Variants in ACSBG1 observed in about 807,000 individuals in gnomAD.
The protein encoded by ACSBG1 is acyl-CoA synthetase bubblegum family member 1, also known as long-chain-fatty-acid--CoA ligase ACSBG1.
ACSBG1 carries 39 observed loss-of-function variants against 80.2 expected under a neutral mutation model. That is an observed-to-expected ratio of 0.49 (90% CI 0.38 to 0.64). The LOEUF (loss-of-function observed/expected upper bound fraction) is 0.64, where lower values mean the gene tolerates loss of function less well. Ranked by LOEUF, ACSBG1 falls within the 30% of genes least tolerant of loss-of-function variation. The pLI, the probability that ACSBG1 is intolerant of heterozygous loss-of-function variation, is 0.00. For missense variants in ACSBG1, 828 were observed against 966.4 expected (o/e 0.86, Z 1.90); for synonymous variants, 392 against 379.5 (o/e 1.03, Z -0.38).
chr15:78,182,873 A>G (rs896584852), intron 5 of ACSBG1, 88 bp from the exon 6 acceptor site: 36 of 1,438,572 alleles, frequency 2.5e-5, no homozygotes, highest in Non-Finnish European at 3.0e-5. Flanking sequence ...GAGTCGGCTT[A>G]GTAAAGGTCT....
At chr15:78,175,647 G>T (rs1229363413) in intron 11 of ACSBG1, among the ~76,000 whole-genome samples, 1 of 152,370 alleles carries the variant, frequency 6.6e-6, no homozygotes. Context: ...GCTGGCTCAG[G>T]AGCTGGATTG....
intron 5 of ACSBG1, among the ~76,000 whole-genome samples, chr15:78,184,537 G>C (rs1364325353): frequency 6.6e-6 from 1 of 152,058 alleles, no homozygotes; most frequent in East Asian, 1.9e-4. Flanking sequence ...GATATATACT[G>C]TAGGATTATG....
At position 78,179,568 on chromosome 15, in the gene ACSBG1, T is replaced by C; in HGVS notation, c.1466A>G (p.Tyr489Cys). The C allele has an allele frequency of 6.2e-7, 1 of 1,613,462 alleles. No homozygotes were observed. Among genetic ancestry groups the C allele is most frequent in the Non-Finnish European group, 8.5e-7 (1 of 1,179,480 alleles). The part of the protein sequence containing the change: ...TSGPHFMSSP[Y>C]NYRLYSSGKL... ...GCCTCACCTGTACAGCCGGTAGTTG[T>C]AGGGACTGGACATGAAGTGGGGGCC... The change falls in exon 10 of 14, where the codon TAC (tyrosine) becomes TGC (cysteine). Residue 489 changes from tyrosine to cysteine, a missense_variant. Physicochemically the swap from Tyr to Cys is radical, Grantham distance 194. Coordinates refer to ENST00000258873, the MANE Select transcript of ACSBG1 (RefSeq NM_015162.5).
At position 78,168,247 on chromosome 15, in the gene ACSBG1, C is replaced by A. The variant is rs1383190453; in HGVS notation, c.*3197G>T. ...GACCAGCCTGGGCCACATAGTGAGA[C>A]CCCGTCTCTTAAAAAAAAAAAAAAG... On this transcript the variant is annotated 3_prime_UTR_variant, in exon 14 of 14. Transcript: ENST00000258873. 1 of 137,430 alleles carries A rather than the reference C, an allele frequency of 7.3e-6. No individual in the cohort carries two copies. Among genetic ancestry groups the A allele is most frequent in the East Asian group, 1.9e-4 (1 of 5,166 alleles). The allele number at this position is 137,430 out of a possible 1,614,324, so 8.5% of individuals were successfully genotyped here.
chr15:78,198,969 C>G (rs1262528228), intron 2 of ACSBG1, among the ~76,000 whole-genome samples: 1 of 152,136 alleles, frequency 6.6e-6, no homozygotes, highest in African/African-American at 2.4e-5. Flanking sequence ...CAAATGAAAC[C>G]AGAGGCAGTC....
rs559887419 is a variant in ACSBG1, at chr15:78,197,877, C to T, written c.233-3151G>A. ...CCTCCCCTGGCACAGATTCCTCCTA[C>T]GCCTGGACTACAGAAAAGGTGACTT... On this transcript the variant is annotated intron_variant, in intron 2 of 13. Transcript: ENST00000258873. Among the ~76,000 whole-genome samples the T allele has an allele frequency of 1.6e-4, 24 of 152,216 alleles. No individual in the cohort carries two copies. The South Asian group carries it at 3.9e-3, about 25-fold the overall frequency.
intron 4 of ACSBG1, 99 bp downstream of exon 4, chr15:78,193,833 G>T: frequency 6.8e-7 from 1 of 1,478,816 alleles, no homozygotes; most frequent in East Asian, 2.5e-5. Context: ...CAGGATGGTG[G>T]GGAGTGGGTG....
In ACSBG1 at chr15:78,182,612, C is replaced by T. The variant is rs1264906643; in HGVS notation, c.748G>A (p.Glu250Lys). 1.2e-6 allele frequency: 2 copies of T among 1,613,968 alleles called. No homozygotes were observed. The highest frequency in any genetic ancestry group is 1.7e-6 in the Non-Finnish European group (2 of 1,179,902). ...TCATTCCCCAGCTCCATGAATTCCT[C>T]CATCTGTAGCCAGATGCAGGGAGCA... is the stretch of plus-strand genomic sequence containing the variant. The part of the protein sequence containing the change: ...PNKMANVYTM[E>K]EFMELGNEVP... The change falls in exon 7 of 14, where the codon GAG (glutamate) becomes AAG (lysine). Residue 250 changes from glutamate (E) to lysine (K), a missense_variant. Coordinates refer to ENST00000258873, the MANE Select transcript of ACSBG1 (RefSeq NM_015162.5).
In ACSBG1 at chr15:78,180,738, C is replaced by T; in HGVS notation, c.1253+17G>A. On this transcript the variant is annotated intron_variant, in intron 9 of 13. Coordinates refer to ENST00000258873, the MANE Select transcript of ACSBG1 (RefSeq NM_015162.5). Reference sequence around the variant, plus strand: ...CCCACTCTCTCCCCAGGCCTCCCGCCCGTGGGCCCTCTGTACCTGCCGGGG... The same window carrying T: ...CCCACTCTCTCCCCAGGCCTCCCGCTCGTGGGCCCTCTGTACCTGCCGGGG... 6.2e-7 allele frequency: 1 copy of T among 1,610,472 alleles called. No individual in the cohort carries two copies. Among genetic ancestry groups the T allele is most frequent in the Non-Finnish European group, 8.5e-7 (1 of 1,177,764 alleles).
intron 1 of ACSBG1, among the ~76,000 whole-genome samples, chr15:78,223,544 G>A (rs1180862096): frequency 6.6e-6 from 1 of 152,148 alleles, no homozygotes; most frequent in African/African-American, 2.4e-5. Context: ...ACTTTGACAA[G>A]TCCCTAGCCT....
chr15:78,182,717 G>C lies in ACSBG1; in HGVS notation c.732C>G (p.Ala244=). The change falls in exon 6 of 14, where the codon GCC becomes GCG. Residue 244 remains alanine (A), a synonymous_variant. Coordinates refer to ENST00000258873, the MANE Select transcript of ACSBG1 (RefSeq NM_015162.5). ...IYKEPPPNKM[A]NVYTMEEFME... ...CCACTGCCCATACCGTGTACACATTGGCCATCTTGTTTGGAGGAGGTTCTT... is the reference window on the plus strand; with the variant it reads ...CCACTGCCCATACCGTGTACACATTCGCCATCTTGTTTGGAGGAGGTTCTT... 1.9e-6 allele frequency: 3 copies of C among 1,614,240 alleles called. No individual in the cohort carries two copies. Among genetic ancestry groups the C allele is most frequent in the Non-Finnish European group, 2.5e-6 (3 of 1,180,042 alleles).
At chr15:78,218,291 G>A (rs2075329339) in intron 1 of ACSBG1, among the ~76,000 whole-genome samples, 1 of 151,360 alleles carries the variant, frequency 6.6e-6, no homozygotes, top group African/African-American at 2.4e-5. Context: ...GGGGGTAGGG[G>A]TGAAGCTGGG....
intron 1 of ACSBG1, among the ~76,000 whole-genome samples, chr15:78,221,186 T>A (rs529126964): frequency 6.6e-6 from 1 of 151,952 alleles, no homozygotes; most frequent in Non-Finnish European, 1.5e-5. Flanking sequence ...ACACTCAGCA[T>A]GTGAGGACCT....
rs963727763 is a variant in ACSBG1 at position 78,172,116 on chromosome 15, G to T, written c.2090-587C>A. On this transcript the variant is annotated intron_variant, in intron 13 of 13. Transcript: ENST00000258873. The surrounding 1 kb of genome is among the most constrained non-coding windows in gnomAD (Gnocchi z 4.1). ...TGCCGACAGCCACGTAAGTGAGCGC[G>T]GAGGTGAGCCTCAGCTGCAAGTGAC... Among the ~76,000 whole-genome samples the T allele has an allele frequency of 1.3e-5, 2 of 152,228 alleles. No individual in the cohort carries two copies. Among genetic ancestry groups the T allele is most frequent in the Non-Finnish European group, 2.9e-5 (2 of 68,044 alleles).
intron 5 of ACSBG1, among the ~76,000 whole-genome samples, chr15:78,185,009 GGA>G (rs1387268843): frequency 1.4e-5 from 2 of 147,022 alleles, no homozygotes; most frequent in Admixed American, 6.9e-5. Flanking sequence ...ACAGACAGAG[GGA>G]GAGAGAGGGA....
intron 5 of ACSBG1, among the ~76,000 whole-genome samples, chr15:78,184,951 G>GAA (rs1192124012): frequency 1.5e-4 from 23 of 152,092 alleles, no homozygotes; most frequent in Non-Finnish European, 3.1e-4. Context: ...GAGCCTCTAA[G>GAA]TGTGCCCCAG....
chr15:78,181,018 G>T, intron 8 of ACSBG1, 82 bp from the exon 9 acceptor site: 1 of 1,515,618 alleles, frequency 6.6e-7, no homozygotes. Context: ...CAGGCATGCC[G>T]GTGGCACACA....
At chr15:78,185,782 G>A (rs1183075818) in intron 5 of ACSBG1, among the ~76,000 whole-genome samples, 5 of 151,682 alleles carry the variant, frequency 3.3e-5, no homozygotes, top group Non-Finnish European at 5.9e-5. Flanking sequence ...ACTATGTGGA[G>A]AGGAACGAAA....
chr15:78,204,653 C>T (rs1239986839), intron 2 of ACSBG1, among the ~76,000 whole-genome samples: 1 of 152,214 alleles, frequency 6.6e-6, no homozygotes, highest in African/African-American at 2.4e-5. Flanking sequence ...CACTGGCACT[C>T]ATTTCCTCTG....
Sources: allele counts gnomAD v4.1 joint callset (sites outside exome capture counted in the v4.1 genomes callset), GRCh38; gene constraint gnomAD v4.1.1; non-coding constraint Gnocchi (gnomAD v3.1); transcripts MANE v1.5; gene names NCBI Gene and HGNC (gene_info 2026-07-23, HGNC 2026-07-21).